The following GSG1L variants were observed in gnomAD, a reference collection of about 807,000 sequenced individuals.
GSG1L encodes GSG1 like.
GSG1L carries 24 observed loss-of-function variants against 42.1 expected under a neutral mutation model. The observed-to-expected ratio is 0.57, with a 90% CI of 0.41 to 0.80. The LOEUF (loss-of-function observed/expected upper bound fraction) is 0.80. Among genes scored for constraint, GSG1L ranks in the 30% least tolerant of loss-of-function variants. The pLI, the probability that GSG1L is intolerant of heterozygous loss-of-function variation, is 0.00. For synonymous variants in GSG1L, 215 were observed against 203.5 expected, an observed-to-expected ratio of 1.06 and a Z score of -0.48; for missense variants, 445 against 472.2, an observed-to-expected ratio of 0.94 and a Z score of 0.53.
Position 27,994,095 on chromosome 16 carries a change from G to A in GSG1L, c.350-30892C>T, listed in dbSNP as rs143052763. Among the ~76,000 whole-genome samples the A allele has an allele frequency of 3.0e-3, 462 of 152,242 alleles. 1 individual carries two copies. The highest frequency in any genetic ancestry group is 0.011 in the African/African-American group (438 of 41,526). Reference sequence around the variant, plus strand: ...GCGCAACCTCATCCTTTGTGTCCATGCTCCTTAATTTTCTTAGTCGTGAGA... The same window carrying A: ...GCGCAACCTCATCCTTTGTGTCCATACTCCTTAATTTTCTTAGTCGTGAGA... On this transcript the variant is annotated intron_variant, in intron 1 of 6. Transcript: ENST00000447459.
At chr16:28,005,388 AC>A (rs1458016206) in intron 1 of GSG1L, among the ~76,000 whole-genome samples, 1 of 152,208 alleles carries the variant, frequency 6.6e-6, no homozygotes, top group African/African-American at 2.4e-5. Flanking sequence ...TGGTGGGATT[AC>A]AGCCCAGCCT....
intron 1 of GSG1L, among the ~76,000 whole-genome samples, chr16:28,044,780 T>G (rs2086144264): frequency 6.6e-6 from 1 of 152,114 alleles, no homozygotes; most frequent in African/African-American, 2.4e-5. Flanking sequence ...TGTGCCACCA[T>G]GCCTGGCTAA....
At position 27,907,586 on chromosome 16, in the gene GSG1L, G is replaced by C. The variant is rs557058909; in HGVS notation, c.398-22948C>G. Among the ~76,000 whole-genome samples, 140 of 152,342 alleles carry C rather than the reference G, an allele frequency of 9.2e-4. 1 individual carries two copies. The highest frequency in any genetic ancestry group is 3.1e-3 in the African/African-American group (128 of 41,584). On this transcript the variant is annotated intron_variant, in intron 2 of 6. Transcript: ENST00000447459. ...GCCCTGGCCAAGTGACCAGAGGAGAGAGAAAGCTCTGCAGCTCTGGGGTTT... is the reference window on the plus strand; with the variant it reads ...GCCCTGGCCAAGTGACCAGAGGAGACAGAAAGCTCTGCAGCTCTGGGGTTT...
At chr16:27,944,741 C>A (rs1240495336) in intron 2 of GSG1L, among the ~76,000 whole-genome samples, 3 of 151,880 alleles carry the variant, frequency 2.0e-5, no homozygotes, top group Non-Finnish European at 2.9e-5. Context: ...TCTATGCCTT[C>A]GTTTTTATGT....
intron 1 of GSG1L, among the ~76,000 whole-genome samples, chr16:27,967,765 T>G (rs1346895436): frequency 2.0e-5 from 3 of 152,096 alleles, no homozygotes; most frequent in African/African-American, 7.2e-5. Context: ...ATACAAAAAT[T>G]CGCTGGGTGT....
intron 6 of GSG1L, among the ~76,000 whole-genome samples, chr16:27,793,407 C>T (rs1022482443): frequency 6.6e-6 from 1 of 152,086 alleles, no homozygotes; most frequent in African/African-American, 2.4e-5. Flanking sequence ...TTCAGAAAAA[C>T]ACATTTGTTT....
At chr16:27,933,647 A>C (rs2084680381) in intron 2 of GSG1L, among the ~76,000 whole-genome samples, 1 of 81,688 alleles carries the variant, frequency 1.2e-5, no homozygotes, top group Admixed American at 1.4e-4. Flanking sequence ...AGACTTTGTC[A>C]CAAAAAAAAA....
At chr16:27,974,647 A>G (rs934668089) in intron 1 of GSG1L, among the ~76,000 whole-genome samples, 1 of 152,168 alleles carries the variant, frequency 6.6e-6, no homozygotes, top group Non-Finnish European at 1.5e-5. Flanking sequence ...ATCACACACC[A>G]TTGCATCTTG....
intron 1 of GSG1L, among the ~76,000 whole-genome samples, chr16:28,008,135 A>G (rs896241502): frequency 6.6e-6 from 1 of 152,096 alleles, no homozygotes; most frequent in South Asian, 2.1e-4. Flanking sequence ...GCTGGAGTGC[A>G]GTGGCATGAT....
chr16:27,936,589 A>G (rs571718513), intron 2 of GSG1L, among the ~76,000 whole-genome samples: 1 of 152,200 alleles, frequency 6.6e-6, no homozygotes, highest in Non-Finnish European at 1.5e-5. Flanking sequence ...CTGCAGAACC[A>G]TGAGCCAAAT....
intron 1 of GSG1L, among the ~76,000 whole-genome samples, chr16:27,966,782 A>G (rs1350795343): frequency 1.3e-5 from 2 of 152,156 alleles, no homozygotes; most frequent in African/African-American, 2.4e-5. Context: ...TTTGACCCAC[A>G]CGGGATCATA....
chr16:27,835,901 A>C (rs1028294135), intron 4 of GSG1L, among the ~76,000 whole-genome samples: 2 of 152,060 alleles, frequency 1.3e-5, no homozygotes, highest in African/African-American at 4.8e-5. Context: ...AATTTAGAAA[A>C]CTCAAAAGGA....
chr16:27,823,344 C>T (rs1168443693), intron 5 of GSG1L, among the ~76,000 whole-genome samples: 1 of 152,088 alleles, frequency 6.6e-6, no homozygotes, highest in African/African-American at 2.4e-5. Context: ...CACAGACGCG[C>T]ACACACACAC....
At chr16:27,856,089 C>T (rs1276940536) in intron 3 of GSG1L, among the ~76,000 whole-genome samples, 1 of 152,160 alleles carries the variant, frequency 6.6e-6, no homozygotes, top group East Asian at 1.9e-4. Context: ...GATGTCAGGG[C>T]TGTCCTAGGC....
intron 3 of GSG1L, among the ~76,000 whole-genome samples, chr16:27,869,692 T>G (rs1246770437): frequency 3.7e-5 from 5 of 133,754 alleles, no homozygotes; most frequent in Non-Finnish European, 8.0e-5. Context: ...TCTCTGTCTC[T>G]GTCTCCCTCC....
At chr16:27,979,661 A>AAGAAAGAAAGAAAGAAAGAAAG (rs368394279) in intron 1 of GSG1L, among the ~76,000 whole-genome samples, 4,722 of 67,128 alleles carry the variant, frequency 0.07, 486 homozygotes, top group South Asian at 0.12. Context: ...GAAAGAAAGA[A>AAGAAAGAAAGAAAGAAAGAAAG]AGAGAGAGAG....
chr16:27,887,803 CTTTTT>C (rs947555865), intron 2 of GSG1L, among the ~76,000 whole-genome samples: 1 of 151,268 alleles, frequency 6.6e-6, no homozygotes, highest in African/African-American at 2.4e-5. Context: ...CTTTTCTTTT[CTTTTT>C]TTTTCTCCTC....
chr16:27,895,070 C>T (rs748786087), intron 2 of GSG1L, among the ~76,000 whole-genome samples: 2 of 152,176 alleles, frequency 1.3e-5, no homozygotes, highest in Non-Finnish European at 2.9e-5. Context: ...CTCAGTTTCC[C>T]TCTCCGCAGA....
chr16:27,850,767 T>C (rs2083502808), intron 3 of GSG1L: 1 of 335,964 alleles, frequency 3.0e-6, no homozygotes, highest in Non-Finnish European at 5.8e-6. Flanking sequence ...TAAAAATATA[T>C]ACATGTAATA....
Sources: allele counts gnomAD v4.1 joint callset (sites outside exome capture counted in the v4.1 genomes callset), GRCh38; gene constraint gnomAD v4.1.1; transcripts MANE v1.5; gene names NCBI Gene and HGNC (gene_info 2026-07-23, HGNC 2026-07-21).